OSBPL10: variants seen among roughly 807,000 people sequenced by gnomAD.
OSBPL10 encodes oxysterol-binding protein-related protein 10.
OSBPL10 carries 49 observed loss-of-function variants against 81.7 expected under a neutral mutation model. The ratio of observed to expected loss-of-function variants is 0.60; its 90% CI spans 0.48 to 0.76. The LOEUF is 0.76. OSBPL10 is among the 30% of genes least tolerant of loss of function. The probability of loss-of-function intolerance (pLI) is 0.00; values close to 1 mark genes in which losing one functional copy is unlikely to be tolerated. For missense variants in OSBPL10, 923 were observed against 987.8 expected (o/e 0.93, Z 0.88); for synonymous variants, 419 against 383.6 (o/e 1.09, Z -1.08).
intron 2 of OSBPL10, among the ~76,000 whole-genome samples, chr3:32,039,705 A>C (rs945864245): frequency 2.6e-5 from 4 of 152,180 alleles, no homozygotes; most frequent in Admixed American, 1.3e-4. Flanking sequence ...AAGGAGAAGC[A>C]AACAAAATCA....
chr3:31,791,992 T>C (rs1169198605), intron 4 of OSBPL10, among the ~76,000 whole-genome samples: 1 of 152,042 alleles, frequency 6.6e-6, no homozygotes, highest in African/African-American at 2.4e-5. Context: ...ACACCTGTAG[T>C]CCCAACACTT....
chr3:31,753,342 C>T (rs963702151), intron 4 of OSBPL10, among the ~76,000 whole-genome samples: 2 of 152,066 alleles, frequency 1.3e-5, no homozygotes, highest in Admixed American at 6.6e-5. Flanking sequence ...TGCACCACCA[C>T]GCCCGGCTAA....
chr3:32,047,013 T>G (rs746927184), intron 1 of OSBPL10, among the ~76,000 whole-genome samples: 5 of 152,172 alleles, frequency 3.3e-5, no homozygotes, highest in Non-Finnish European at 7.4e-5. Flanking sequence ...TTGTTTTGTT[T>G]TTCTTTGAGA....
In OSBPL10 at chr3:31,767,439, T is replaced by C. The variant is rs537982831; in HGVS notation, c.730-19319A>G. ...AAATACACTACCTACTTGGGCAACA[T>C]GACACCTCTTGAATTCCTGTCAGGT... On this transcript the variant is annotated intron_variant, in intron 4 of 11. Transcript: ENST00000396556. Among the ~76,000 whole-genome samples, 34 of 152,316 alleles carry C rather than the reference T, an allele frequency of 2.2e-4. No homozygotes were observed. The South Asian group carries it at 5.8e-3, about 26-fold the overall frequency.
At chr3:31,813,920 C>T (rs1250414051) in intron 4 of OSBPL10, among the ~76,000 whole-genome samples, 3 of 152,236 alleles carry the variant, frequency 2.0e-5, no homozygotes, top group East Asian at 3.8e-4. Context: ...CTGCTGTCCA[C>T]GTGAAGAACC....
chr3:32,073,908 A>G (rs1471587303), intron 1 of OSBPL10, among the ~76,000 whole-genome samples: 1 of 152,066 alleles, frequency 6.6e-6, no homozygotes, highest in Non-Finnish European at 1.5e-5. Flanking sequence ...GCCCTGATGA[A>G]GTTCTATCCT....
chr3:31,877,064 C>T (rs573219176), intron 2 of OSBPL10, among the ~76,000 whole-genome samples: 5 of 152,050 alleles, frequency 3.3e-5, no homozygotes, highest in Non-Finnish European at 5.9e-5. Context: ...CTACCATGCC[C>T]GGCTATTTTT....
intron 1 of OSBPL10, among the ~76,000 whole-genome samples, chr3:31,880,345 G>A (rs908371058): frequency 6.6e-6 from 1 of 152,214 alleles, no homozygotes; most frequent in African/African-American, 2.4e-5. Flanking sequence ...AGGTGCTTCT[G>A]CAACCATCTG....
intron 4 of OSBPL10, among the ~76,000 whole-genome samples, chr3:31,755,356 T>A (rs1028418213): frequency 1.3e-5 from 2 of 152,234 alleles, no homozygotes; most frequent in Non-Finnish European, 2.9e-5. Context: ...ACTTCCAAGT[T>A]GAAGACTGCT....
chr3:32,076,329 C>G (rs1699876233), intron 1 of OSBPL10, among the ~76,000 whole-genome samples: 1 of 151,718 alleles, frequency 6.6e-6, no homozygotes, highest in African/African-American at 2.4e-5. Flanking sequence ...GATTGCGCCA[C>G]TGCACTCCAA....
chr3:31,956,029 G>A (rs955067960), intron 1 of OSBPL10, among the ~76,000 whole-genome samples: 1 of 152,248 alleles, frequency 6.6e-6, no homozygotes, highest in African/African-American at 2.4e-5. Flanking sequence ...ATTGGTTAGA[G>A]ACAGGCTGTG....
chr3:32,056,495 T>C (rs1699713872), intron 1 of OSBPL10, among the ~76,000 whole-genome samples: 1 of 152,228 alleles, frequency 6.6e-6, no homozygotes, highest in Non-Finnish European at 1.5e-5. Context: ...GAATGCAGGA[T>C]AAGCTTACTG....
At chr3:31,888,316 C>T (rs1047258928) in intron 1 of OSBPL10, among the ~76,000 whole-genome samples, 11 of 152,164 alleles carry the variant, frequency 7.2e-5, no homozygotes, top group Non-Finnish European at 1.3e-4. Context: ...AAAATCAACT[C>T]AAAATGAATG....
At chr3:31,918,317 GT>G (rs1032057693) in intron 1 of OSBPL10, among the ~76,000 whole-genome samples, 93 of 121,696 alleles carry the variant, frequency 7.6e-4, no homozygotes, top group Non-Finnish European at 1.3e-3. Context: ...CACTGGAGTT[GT>G]TTTTTCTTTT....
intron 5 of OSBPL10, among the ~76,000 whole-genome samples, chr3:31,746,984 A>T (rs901847532): frequency 6.6e-6 from 1 of 152,184 alleles, no homozygotes; most frequent in Non-Finnish European, 1.5e-5. Flanking sequence ...TAATAATAAA[A>T]AAAAGAAAAG....
chr3:32,017,099 G>A (rs1699319517), intron 2 of OSBPL10, among the ~76,000 whole-genome samples: 1 of 152,156 alleles, frequency 6.6e-6, no homozygotes, highest in African/African-American at 2.4e-5. Flanking sequence ...TAGAACGTGG[G>A]AAGAGGGCTG....
intron 1 of OSBPL10, among the ~76,000 whole-genome samples, chr3:32,073,015 T>C (rs146716385): frequency 4.6e-5 from 7 of 152,138 alleles, no homozygotes; most frequent in African/African-American, 1.7e-4. Flanking sequence ...TCAGGAAAGG[T>C]AGAACAGACT....
chr3:31,750,476 T>C (rs957622233), intron 4 of OSBPL10, among the ~76,000 whole-genome samples: 7 of 152,182 alleles, frequency 4.6e-5, no homozygotes, highest in African/African-American at 1.7e-4. Context: ...ATGAACATAA[T>C]ATGGCTGAAG....
At chr3:31,666,177 G>A (rs1700186024) in intron 10 of OSBPL10, among the ~76,000 whole-genome samples, 1 of 152,208 alleles carries the variant, frequency 6.6e-6, no homozygotes, top group African/African-American at 2.4e-5. Context: ...GCTGAGGCAG[G>A]GCAGGACTGG....
Sources: gnomAD v4.1 joint callset for allele counts (sites outside exome capture counted in the v4.1 genomes callset) on GRCh38, gnomAD v4.1.1 for gene constraint, MANE v1.5 for transcripts, NCBI Gene and HGNC (gene_info 2026-07-23, HGNC 2026-07-21) for gene names.